The following UBAC2 variants were observed in gnomAD, a reference collection of about 807,000 sequenced individuals.
The protein encoded by UBAC2 is UBA domain containing 2.
UBAC2 carries 26 observed loss-of-function variants against 44.0 expected under a neutral mutation model. That is an observed-to-expected ratio of 0.59 (90% CI 0.43 to 0.82). UBAC2 has a LOEUF of 0.82. Ranked by LOEUF, UBAC2 falls within the 40% of genes least tolerant of loss-of-function variation. The probability of loss-of-function intolerance (pLI) is 0.00; values close to 1 mark genes in which losing one functional copy is unlikely to be tolerated. For missense variants in UBAC2, 329 were observed against 419.4 expected, an observed-to-expected ratio of 0.78 and a Z score of 1.88; for synonymous variants, 155 against 154.3, an observed-to-expected ratio of 1.00 and a Z score of -0.04.
At chr13:99,327,544 A>G (rs564982304) in intron 6 of UBAC2, among the ~76,000 whole-genome samples, 2 of 152,034 alleles carry the variant, frequency 1.3e-5, no homozygotes, top group Admixed American at 1.3e-4. Context: ...GACTGTGTTG[A>G]TATTTTCCTT....
chr13:99,207,993 C>CTT (rs369860759), intron 1 of UBAC2, among the ~76,000 whole-genome samples: 5 of 109,512 alleles, frequency 4.6e-5, no homozygotes, highest in African/African-American at 2.0e-4. Context: ...CTCATCGTCT[C>CTT]TTTTTTTTTT....
At chr13:99,214,395 G>A (rs1265053668) in intron 1 of UBAC2, among the ~76,000 whole-genome samples, 3 of 151,854 alleles carry the variant, frequency 2.0e-5, no homozygotes, top group Admixed American at 6.6e-5. Flanking sequence ...GCCTTTTCCC[G>A]CAAGAGGCTC....
intron 6 of UBAC2, among the ~76,000 whole-genome samples, chr13:99,333,104 GA>G: frequency 6.6e-6 from 1 of 152,092 alleles, no homozygotes; most frequent in East Asian, 1.9e-4. Flanking sequence ...TCTGGGGGGG[GA>G]AGAAAGAGAG....
At chr13:99,204,909 T>C (rs1392824467) in intron 1 of UBAC2, among the ~76,000 whole-genome samples, 1 of 137,412 alleles carries the variant, frequency 7.3e-6, no homozygotes, top group Non-Finnish European at 1.6e-5. Context: ...TCCTTTTTTT[T>C]TTTTTTTTTT....
At chr13:99,272,311 C>T (rs549062784) in intron 4 of UBAC2, among the ~76,000 whole-genome samples, 48 of 152,280 alleles carry the variant, frequency 3.2e-4, no homozygotes, top group Middle Eastern at 6.8e-3. Flanking sequence ...AAGGAGAGAA[C>T]ACTGTAATGA....
intron 4 of UBAC2, among the ~76,000 whole-genome samples, chr13:99,283,652 G>T (rs978770481): frequency 1.1e-4 from 16 of 151,080 alleles, no homozygotes; most frequent in Non-Finnish European, 2.1e-4. Context: ...GGCAAGCCTG[G>T]ATGGAAACTC....
At chr13:99,215,394 T>G in intron 1 of UBAC2, 1 of 1,246,152 alleles carries the variant, frequency 8.0e-7, no homozygotes, top group Non-Finnish European at 1.2e-6. Context: ...CTGTTGTCCT[T>G]TCTTCCCAAT....
At chr13:99,275,564 C>T (rs867182091) in intron 4 of UBAC2, among the ~76,000 whole-genome samples, 1 of 152,072 alleles carries the variant, frequency 6.6e-6, no homozygotes, top group African/African-American at 2.4e-5. Flanking sequence ...TTTTTCCTGA[C>T]ATCCTGTTTT....
At chr13:99,215,706 A>G (rs1594006571) in intron 1 of UBAC2, 2 of 1,497,208 alleles carry the variant, frequency 1.3e-6, no homozygotes, top group Middle Eastern at 2.0e-4. Flanking sequence ...CGAGCGGGAA[A>G]CCGCCTTTGT....
chr13:99,242,843 C>G (rs1258254358), intron 2 of UBAC2, among the ~76,000 whole-genome samples: 1 of 36,856 alleles, frequency 2.7e-5, no homozygotes, highest in Admixed American at 3.8e-4. Context: ...ACGGGGCGGC[C>G]GGGCAGAGAC....
chr13:99,325,648 C>T (rs1026109222), intron 6 of UBAC2, among the ~76,000 whole-genome samples: 3 of 152,150 alleles, frequency 2.0e-5, no homozygotes, highest in Non-Finnish European at 2.9e-5. Context: ...GCTTATCGCT[C>T]TTGCTTAACT....
At position 99,340,513 on chromosome 13, in the gene UBAC2, G is replaced by A. The variant is rs752327711; in HGVS notation, c.755G>A (p.Arg252Gln). 70 of 1,613,910 alleles carry A rather than the reference G, an allele frequency of 4.3e-5. 2 individuals carry two copies. The highest frequency in any genetic ancestry group is 2.3e-4 in the South Asian group (21 of 91,070). ...QRQQRMELLD[R>Q]QLMFSQFAQG... ...CAGCAGAGAATGGAGCTGCTGGACCGGCAGCTGATGTTCTCTCAGTTTGCA... is the reference window on the plus strand; with the variant it reads ...CAGCAGAGAATGGAGCTGCTGGACCAGCAGCTGATGTTCTCTCAGTTTGCA... Residue 252 changes from arginine (R) to glutamine (Q), a missense_variant, in exon 7 of 9, where the codon CGG becomes CAG. Physicochemically the swap from Arg to Gln is conservative, Grantham distance 43. Transcript: ENST00000403766.
chr13:99,259,632 TG>T (rs1343815603), intron 4 of UBAC2, among the ~76,000 whole-genome samples: 1 of 152,250 alleles, frequency 6.6e-6, no homozygotes, highest in East Asian at 1.9e-4. Flanking sequence ...GGACTTCTTA[TG>T]GCTGAATCAC....
Position 99,315,376 on chromosome 13 carries a change from C to T in UBAC2, c.513+1156C>T, listed in dbSNP as rs565912082. 2.0e-5 allele frequency among the ~76,000 whole-genome samples: 3 copies of T among 152,342 alleles called. No homozygotes were observed. In the South Asian group the frequency reaches 6.2e-4, roughly 32 times the overall value. ...CAGGAGACCCAAGTTCTAGTCCTAG[C>T]ATGGCTGTCTCCAGCCATGAGACTT... On this transcript the variant is annotated intron_variant, in intron 5 of 8. Coordinates refer to ENST00000403766, the MANE Select transcript of UBAC2 (RefSeq NM_001144072.2).
chr13:99,330,676 G>A (rs1396156817), intron 6 of UBAC2, among the ~76,000 whole-genome samples: 1 of 151,744 alleles, frequency 6.6e-6, no homozygotes, highest in East Asian at 1.9e-4. Flanking sequence ...ATACTAGCTA[G>A]GACCTCTAAT....
intron 6 of UBAC2, among the ~76,000 whole-genome samples, chr13:99,318,821 C>CAAAA (rs397851352): frequency 1.6e-4 from 11 of 69,876 alleles, no homozygotes; most frequent in Admixed American, 1.4e-3. Flanking sequence ...GACTCCATCT[C>CAAAA]AAAAAAAAAA....
At chr13:99,324,658 C>T (rs2044613936) in intron 6 of UBAC2, among the ~76,000 whole-genome samples, 1 of 152,126 alleles carries the variant, frequency 6.6e-6, no homozygotes, top group African/African-American at 2.4e-5. Context: ...AATATTCTCC[C>T]TATTATAGAT....
intron 4 of UBAC2, among the ~76,000 whole-genome samples, chr13:99,285,058 ATCATATT>A: frequency 6.6e-6 from 1 of 152,310 alleles, no homozygotes; most frequent in African/African-American, 2.4e-5. Context: ...ACATCATAAT[ATCATATT>A]TCATATTTCA....
intron 4 of UBAC2, among the ~76,000 whole-genome samples, chr13:99,279,124 C>G (rs928508371): frequency 1.3e-5 from 2 of 152,148 alleles, no homozygotes; most frequent in African/African-American, 4.8e-5. Context: ...GGCTTGCCAC[C>G]TCTTTTCTCC....
Sources: allele counts gnomAD v4.1 joint callset (sites outside exome capture counted in the v4.1 genomes callset), GRCh38; gene constraint gnomAD v4.1.1; transcripts MANE v1.5; gene names NCBI Gene and HGNC (gene_info 2026-07-23, HGNC 2026-07-21).